Variants in SUGCT observed in about 807,000 individuals in gnomAD.
SUGCT encodes the protein succinyl-CoA:glutarate CoA-transferase.
In SUGCT, 41 loss-of-function variants were observed where a neutral mutation model predicts 55.0. The ratio of observed to expected loss-of-function variants is 0.74; its 90% confidence interval spans 0.58 to 0.97. The LOEUF (loss-of-function observed/expected upper bound fraction) is 0.97. SUGCT is among the 50% of genes least tolerant of loss of function. The pLI is 0.00. For missense variants in SUGCT, 568 were observed against 547.8 expected, an observed-to-expected ratio of 1.04 and a Z score of -0.37; for synonymous variants, 187 against 200.4, an observed-to-expected ratio of 0.93 and a Z score of 0.56.
At chr7:40,363,878 C>A (rs1783784277) in intron 9 of SUGCT, among the ~76,000 whole-genome samples, 2 of 152,160 alleles carry the variant, frequency 1.3e-5, no homozygotes, top group Admixed American at 1.3e-4. Context: ...TGTTAACTTT[C>A]TGTCTCGTTG....
intron 12 of SUGCT, among the ~76,000 whole-genome samples, chr7:40,724,247 T>G (rs1786497066): frequency 6.6e-6 from 1 of 152,200 alleles, no homozygotes; most frequent in African/African-American, 2.4e-5. Context: ...AAATGACCAT[T>G]GCCACATCTG....
chr7:40,932,041 G>C, the SUGCT span, among the ~76,000 whole-genome samples: 1 of 152,124 alleles, frequency 6.6e-6, no homozygotes, highest in African/African-American at 2.4e-5. Context: ...GATCTTTCCT[G>C]CTTTCTCTTG....
chr7:40,267,037 C>CAAACAAA (rs1554298727), intron 7 of SUGCT, among the ~76,000 whole-genome samples: 2 of 86,748 alleles, frequency 2.3e-5, no homozygotes, highest in African/African-American at 8.8e-5. Flanking sequence ...AACAAACAAA[C>CAAACAAA]AAAAAAAAAA....
At chr7:40,421,890 G>A (rs1255181993) in intron 9 of SUGCT, among the ~76,000 whole-genome samples, 1 of 152,136 alleles carries the variant, frequency 6.6e-6, no homozygotes, top group African/African-American at 2.4e-5. Context: ...CTTCTGAACA[G>A]TTCTCAGAGA....
At chr7:40,577,800 G>C (rs1030686834) in intron 12 of SUGCT, among the ~76,000 whole-genome samples, 1 of 152,000 alleles carries the variant, frequency 6.6e-6, no homozygotes, top group African/African-American at 2.4e-5. Context: ...CTATTCTAAG[G>C]AGTTTCACAG....
At chr7:40,904,846 A>G in the SUGCT span, among the ~76,000 whole-genome samples, 4 of 151,984 alleles carry the variant, frequency 2.6e-5, no homozygotes, top group Admixed American at 6.5e-5. Flanking sequence ...TTCAAAACAC[A>G]TAGTTAACTT....
At chr7:40,499,104 C>T (rs1034271239) in intron 12 of SUGCT, 14 of 456,544 alleles carry the variant, frequency 3.1e-5, no homozygotes, top group Admixed American at 7.1e-5. Flanking sequence ...GATGTGGGAA[C>T]GCACCACTGG....
intron 12 of SUGCT, among the ~76,000 whole-genome samples, chr7:40,625,680 G>A (rs1447121444): frequency 6.6e-6 from 1 of 152,098 alleles, no homozygotes; most frequent in East Asian, 1.9e-4. Context: ...AGAAACTGTG[G>A]TGCAAACTAT....
At chr7:40,301,281 C>T (rs1794522672) in intron 8 of SUGCT, among the ~76,000 whole-genome samples, 1 of 152,058 alleles carries the variant, frequency 6.6e-6, no homozygotes, top group Non-Finnish European at 1.5e-5. Flanking sequence ...ATGTGCATAC[C>T]AGATTTTTAA....
intron 12 of SUGCT, among the ~76,000 whole-genome samples, chr7:40,708,624 C>T (rs1323750107): frequency 6.6e-6 from 1 of 152,164 alleles, no homozygotes; most frequent in Non-Finnish European, 1.5e-5. Context: ...TGGCTACATC[C>T]TGAACTCATC....
chr7:40,689,313 G>A (rs1784590034), intron 12 of SUGCT, among the ~76,000 whole-genome samples: 1 of 152,206 alleles, frequency 6.6e-6, no homozygotes, highest in Admixed American at 6.5e-5. Flanking sequence ...CCCAAATTCT[G>A]GGGAAAATAA....
the SUGCT span, among the ~76,000 whole-genome samples, chr7:40,869,195 T>C: frequency 3.8e-3 from 576 of 152,242 alleles, 5 homozygotes; most frequent in African/African-American, 0.013. Flanking sequence ...GTAATGAAGG[T>C]CCAAAATCAG....
chr7:40,687,124 A>T (rs1003962134), intron 12 of SUGCT, among the ~76,000 whole-genome samples: 3 of 152,010 alleles, frequency 2.0e-5, no homozygotes, highest in Admixed American at 1.3e-4. Flanking sequence ...ATCTATCATC[A>T]TCTGTTGTTT....
At chr7:40,389,490 C>G (rs1023778329) in intron 9 of SUGCT, among the ~76,000 whole-genome samples, 4 of 139,408 alleles carry the variant, frequency 2.9e-5, no homozygotes, top group African/African-American at 1.0e-4. Context: ...GAAGAGTTAC[C>G]GAACATATAC....
chr7:40,490,996 AG>A (rs1196574837), intron 11 of SUGCT, among the ~76,000 whole-genome samples: 1 of 152,138 alleles, frequency 6.6e-6, no homozygotes, highest in Non-Finnish European at 1.5e-5. Flanking sequence ...AGTCTTTCCA[AG>A]GTTTTAGGAG....
chr7:40,955,729 C>A, the SUGCT span, among the ~76,000 whole-genome samples: 2 of 152,208 alleles, frequency 1.3e-5, no homozygotes, highest in African/African-American at 2.4e-5. Flanking sequence ...GGGAATGCTT[C>A]CAGTTTTTCC....
At chr7:40,894,620 A>G in the SUGCT span, among the ~76,000 whole-genome samples, 34 of 152,322 alleles carry the variant, frequency 2.2e-4, no homozygotes, top group African/African-American at 7.9e-4. Flanking sequence ...TCAACAAGCA[A>G]AAAACAACCT....
intron 11 of SUGCT, among the ~76,000 whole-genome samples, chr7:40,488,294 T>C (rs1365889856): frequency 6.6e-6 from 1 of 152,160 alleles, no homozygotes; most frequent in Non-Finnish European, 1.5e-5. Flanking sequence ...CACGTAACAA[T>C]AGTTATAGCA....
chr7:40,993,558 G>A, the SUGCT span, among the ~76,000 whole-genome samples: 1 of 152,204 alleles, frequency 6.6e-6, no homozygotes, highest in Non-Finnish European at 1.5e-5. Flanking sequence ...TCACCGCACA[G>A]GAAGCAGCTT....
Sources: allele counts gnomAD v4.1 joint callset (sites outside exome capture counted in the v4.1 genomes callset), GRCh38; gene constraint gnomAD v4.1.1; transcripts MANE v1.5; gene names NCBI Gene and HGNC (gene_info 2026-07-23, HGNC 2026-07-21).